DGKI: variants seen among roughly 807,000 people sequenced by gnomAD.
DGKI encodes the protein DAG kinase iota.
DGKI carries 55 observed loss-of-function variants against 147.5 expected under a neutral mutation model. The ratio of observed to expected loss-of-function variants is 0.37; its 90% CI spans 0.30 to 0.47. The LOEUF is 0.47. DGKI is among the 20% of genes least tolerant of loss of function. The pLI is 1.00. For synonymous variants in DGKI, 469 were observed against 477.1 expected (o/e 0.98, Z 0.22); for missense variants, 1,007 against 1,323.8 (o/e 0.76, Z 3.71).
intron 1 of DGKI, among the ~76,000 whole-genome samples, chr7:137,796,601 A>T (rs1797040639): frequency 1.3e-5 from 2 of 152,208 alleles, no homozygotes; most frequent in Non-Finnish European, 2.9e-5. Context: ...AGACAATTTC[A>T]ACAGAAATAG....
chr7:137,663,425 T>C (rs568985800), intron 3 of DGKI, among the ~76,000 whole-genome samples: 1 of 152,338 alleles, frequency 6.6e-6, no homozygotes, highest in South Asian at 2.1e-4. Context: ...AAAATATGTA[T>C]ATTCAAAAAA....
intron 13 of DGKI, 21 bp from the exon 14 acceptor site, chr7:137,585,367 T>A (rs765676748): frequency 4.3e-6 from 7 of 1,611,952 alleles, no homozygotes; most frequent in Non-Finnish European, 5.9e-6. Flanking sequence ...AGAGAACATA[T>A]CCATTGCTGT....
At chr7:137,538,507 T>G (rs547576038) in intron 20 of DGKI, among the ~76,000 whole-genome samples, 2 of 152,334 alleles carry the variant, frequency 1.3e-5, no homozygotes, top group South Asian at 4.1e-4. Flanking sequence ...CAGTGGGATA[T>G]ATCCTGTTTA....
chr7:137,450,353 T>TTA (rs889941907), intron 27 of DGKI, among the ~76,000 whole-genome samples: 27 of 152,200 alleles, frequency 1.8e-4, no homozygotes, highest in African/African-American at 6.5e-4. Context: ...TAATTAATGG[T>TTA]TATATATATT....
intron 2 of DGKI, among the ~76,000 whole-genome samples, chr7:137,681,903 C>A (rs1170121954): frequency 6.6e-6 from 1 of 152,232 alleles, no homozygotes; most frequent in African/African-American, 2.4e-5. Context: ...TATTGTCAAC[C>A]AAATGGGCAG....
intron 6 of DGKI, among the ~76,000 whole-genome samples, chr7:137,638,488 ACACACATATATATGTATATATATG>A (rs1397554580): frequency 8.9e-5 from 11 of 123,786 alleles, no homozygotes; most frequent in African/African-American, 3.7e-4. Flanking sequence ...GTATATATAT[ACACACATATATATGTATATATATG>A]TGTGTATATA....
intron 28 of DGKI, among the ~76,000 whole-genome samples, chr7:137,419,892 A>C (rs928817432): frequency 2.5e-4 from 38 of 152,230 alleles, no homozygotes; most frequent in African/African-American, 9.2e-4. Flanking sequence ...TCTTCTAATG[A>C]CATGCAACTC....
At chr7:137,562,882 T>C (rs1188698907) in intron 19 of DGKI, among the ~76,000 whole-genome samples, 1 of 152,112 alleles carries the variant, frequency 6.6e-6, no homozygotes, top group Non-Finnish European at 1.5e-5. Flanking sequence ...TTTCAGGAAA[T>C]AGAAGAGAAT....
intron 1 of DGKI, among the ~76,000 whole-genome samples, chr7:137,709,181 T>G (rs980993050): frequency 6.6e-6 from 1 of 152,204 alleles, no homozygotes; most frequent in African/African-American, 2.4e-5. Context: ...GTGTACTTGA[T>G]ATGATAAAAT....
In DGKI at chr7:137,846,641, G is replaced by A; in HGVS notation, c.222C>T (p.Ser74=). 9.4e-7 allele frequency: 1 copy of A among 1,064,964 alleles called. No individual in the cohort carries two copies. The highest frequency in any genetic ancestry group is 1.1e-6 in the Non-Finnish European group (1 of 884,240). 66.0% of individuals were successfully genotyped at this position (1,064,964 alleles called of 1,614,324 possible). The change falls in exon 1 of 33, where the codon AGC becomes AGT. Residue 74 remains serine, a synonymous_variant. Coordinates refer to ENST00000614521, the MANE Select transcript of DGKI (RefSeq NM_001321708.2). This position sits in a 1 kb window ranked among gnomAD's most constrained non-coding sequence, Gnocchi z 4.0. ...GATGGSSSSG[S]GAGSCCLGAE... Reference sequence around the variant, plus strand: ...CGCCCAGGCAGCAGCTCCCGGCGCCGCTTCCGCTGCTGCTGCTGCCGCCCG... The same window carrying A: ...CGCCCAGGCAGCAGCTCCCGGCGCCACTTCCGCTGCTGCTGCTGCCGCCCG...
intron 27 of DGKI, 72 bp downstream of exon 27, chr7:137,463,417 C>A: frequency 6.4e-7 from 1 of 1,570,074 alleles, no homozygotes; most frequent in Non-Finnish European, 8.7e-7. Flanking sequence ...ACCACTGGGG[C>A]ACAGCCCACA....
intron 21 of DGKI, among the ~76,000 whole-genome samples, chr7:137,509,905 G>T (rs943253691): frequency 2.0e-5 from 3 of 151,984 alleles, no homozygotes; most frequent in Admixed American, 6.6e-5. Flanking sequence ...TGGCATTCAT[G>T]ACATGATAAA....
chr7:137,531,733 C>G (rs1311813227), intron 20 of DGKI, among the ~76,000 whole-genome samples: 1 of 152,156 alleles, frequency 6.6e-6, no homozygotes, highest in Non-Finnish European at 1.5e-5. Context: ...TTCTTATTTG[C>G]AACCGATAAA....
At chr7:137,767,316 G>A (rs944978063) in intron 1 of DGKI, among the ~76,000 whole-genome samples, 1 of 151,740 alleles carries the variant, frequency 6.6e-6, no homozygotes, top group Non-Finnish European at 1.5e-5. Context: ...TGTCACAGGG[G>A]AAAAAAAACT....
chr7:137,536,130 TATAC>T (rs1042940945), intron 20 of DGKI, among the ~76,000 whole-genome samples: 1 of 152,086 alleles, frequency 6.6e-6, no homozygotes, highest in African/African-American at 2.4e-5. Context: ...TAGAGATAAA[TATAC>T]ATACATATAT....
rs1798758739 is a variant in DGKI at position 137,846,827 on chromosome 7, G to C, written c.36C>G (p.Pro12=). 1 of 1,149,110 alleles carries C rather than the reference G, an allele frequency of 8.7e-7. No homozygotes were observed. 71.2% of individuals were successfully genotyped at this position (1,149,110 alleles called of 1,614,324 possible). ...DAAGRGCHLL[P]LPAARGPARA... The stretch of plus-strand genomic sequence containing the variant: ...GGGCAGGTCCGCGCGCCGCTGGCAG[G>C]GGCAGCAAATGGCAGCCCCTTCCCG... Residue 12 remains proline (P), a synonymous_variant, in exon 1 of 33, where the codon CCC becomes CCG. Transcript: ENST00000614521. This position sits in a 1 kb window ranked among gnomAD's most constrained non-coding sequence, Gnocchi z 4.0.
At chr7:137,722,080 C>CTCAAGGCTA in intron 1 of DGKI, 1 of 1,598,004 alleles carries the variant, frequency 6.3e-7, no homozygotes, top group Admixed American at 1.7e-5. Flanking sequence ...AAAGGGTAAC[C>CTCAAGGCTA]TCAAGGCTAA....
At chr7:137,577,716 G>C (rs529103051) in intron 16 of DGKI, among the ~76,000 whole-genome samples, 29 of 152,044 alleles carry the variant, frequency 1.9e-4, no homozygotes, top group South Asian at 8.3e-4. Flanking sequence ...CTATCGATTG[G>C]CATAAATTTA....
chr7:137,600,585 G>T (rs1295232959), intron 10 of DGKI, among the ~76,000 whole-genome samples: 5 of 152,206 alleles, frequency 3.3e-5, no homozygotes, highest in African/African-American at 1.2e-4. Context: ...ATTAATGTAT[G>T]AAAATCCATA....
Sources: allele counts gnomAD v4.1 joint callset (sites outside exome capture counted in the v4.1 genomes callset), GRCh38; gene constraint gnomAD v4.1.1; non-coding constraint Gnocchi (gnomAD v3.1); transcripts MANE v1.5; gene names NCBI Gene and HGNC (gene_info 2026-07-23, HGNC 2026-07-21).